COL6A6: variants seen among roughly 807,000 people sequenced by gnomAD.
COL6A6 encodes the protein collagen type VI alpha 6 chain.
In COL6A6, 183 loss-of-function variants were observed where a neutral mutation model predicts 208.6. The observed-to-expected ratio is 0.88, with a 90% CI of 0.78 to 0.99. COL6A6 has a LOEUF of 0.99. COL6A6 is among the 50% of genes least tolerant of loss of function. COL6A6 has a pLI of 0.00. For synonymous variants in COL6A6, 973 were observed against 1,011.8 expected (o/e 0.96, Z 0.73); for missense variants, 2,816 against 2,815.2 (o/e 1.00, Z -0.01).
At chr3:130,554,504 A>C (rs2062722274) in intron 1 of COL6A6, among the ~76,000 whole-genome samples, 2 of 152,296 alleles carry the variant, frequency 1.3e-5, no homozygotes, top group Middle Eastern at 3.4e-3. Context: ...CTCTGTGTGC[A>C]TATTCACATT....
intron 1 of COL6A6, among the ~76,000 whole-genome samples, chr3:130,528,879 C>T (rs910230053): frequency 3.9e-5 from 6 of 152,160 alleles, no homozygotes; most frequent in Non-Finnish European, 5.9e-5. Context: ...ATCACAAGGT[C>T]GGAAGATCGA....
intron 1 of COL6A6, among the ~76,000 whole-genome samples, chr3:130,530,981 A>G (rs1308566774): frequency 6.6e-6 from 1 of 150,828 alleles, no homozygotes; most frequent in African/African-American, 2.4e-5. Flanking sequence ...AATTTCTTGA[A>G]GTCTCTCTTT....
intron 25 of COL6A6, among the ~76,000 whole-genome samples, chr3:130,627,118 A>G (rs1024452151): frequency 1.3e-5 from 2 of 152,172 alleles, no homozygotes; most frequent in African/African-American, 4.8e-5. Context: ...ATACCTAGGG[A>G]CAGTGCATTG....
intron 32 of COL6A6, among the ~76,000 whole-genome samples, chr3:130,647,212 C>T (rs1258116437): frequency 6.6e-6 from 1 of 152,146 alleles, no homozygotes; most frequent in Non-Finnish European, 1.5e-5. Flanking sequence ...CTTCAGAATC[C>T]TTGGGATTCC....
At chr3:130,542,896 CTCTTTT>C (rs869066644) in intron 1 of COL6A6, among the ~76,000 whole-genome samples, 3 of 119,712 alleles carry the variant, frequency 2.5e-5, no homozygotes, top group Admixed American at 2.2e-4. Flanking sequence ...CATCCATTCA[CTCTTTT>C]TTTTTTTTTT....
chr3:130,623,149 C>T (rs187916873), intron 24 of COL6A6, among the ~76,000 whole-genome samples: 41 of 152,184 alleles, frequency 2.7e-4, no homozygotes, highest in Admixed American at 2.2e-3. Flanking sequence ...AAATAGGCAA[C>T]TCAGTGTAGA....
rs59335509 is a variant in COL6A6 at position 130,519,560 on chromosome 3, A to C, written c.-32+2163A>C. ...TTATTTTTTTTCCTTTCCTGACCTT[A>C]TTGTCGTTATTTAAAGTATAAGGTA... On this transcript the variant is annotated intron_variant, in intron 1 of 36. Coordinates refer to ENST00000358511, the MANE Select transcript of COL6A6 (RefSeq NM_001102608.3). Among the ~76,000 whole-genome samples the C allele has an allele frequency of 9.0e-3, 1,369 of 152,000 alleles. 23 individuals are homozygous for C. Among genetic ancestry groups the C allele is most frequent in the African/African-American group, 0.031 (1,295 of 41,458 alleles).
At chr3:130,633,894 G>T (rs1430010061) in intron 26 of COL6A6, among the ~76,000 whole-genome samples, 1 of 35,444 alleles carries the variant, frequency 2.8e-5, no homozygotes, top group Non-Finnish European at 3.9e-5. Flanking sequence ...ACACTCTGGG[G>T]ACTGTGGTGG....
At chr3:130,550,738 C>T (rs1380693327) in intron 1 of COL6A6, among the ~76,000 whole-genome samples, 1 of 152,202 alleles carries the variant, frequency 6.6e-6, no homozygotes, top group East Asian at 1.9e-4. Flanking sequence ...GTCCCTCCCA[C>T]AACATGTGGG....
At position 130,662,018 on chromosome 3, in the gene COL6A6, ATG is replaced by A. The variant is rs777108550; in HGVS notation, c.6214_6215del (p.Val2072IlefsTer54). The A allele has an allele frequency of 1.2e-6, 2 of 1,613,988 alleles. No homozygotes were observed. The highest frequency in any genetic ancestry group is 2.2e-5 in the South Asian group (2 of 91,082). On this transcript the variant is annotated frameshift_variant, in exon 35 of 37. Transcript: ENST00000358511. LOFTEE classifies it high-confidence loss of function. ...CATGCCTTACAGTGGACTCTGGACA[ATG>A]TATTTTTAAGTACACCCAATCTGAG...
At chr3:130,543,393 C>A (rs1316656123) in intron 1 of COL6A6, among the ~76,000 whole-genome samples, 1 of 152,144 alleles carries the variant, frequency 6.6e-6, no homozygotes, top group African/African-American at 2.4e-5. Context: ...TGTTTCTATT[C>A]GATGCCCTTT....
chr3:130,553,346 ATTC>A (rs1035567814), intron 1 of COL6A6, among the ~76,000 whole-genome samples: 9 of 152,022 alleles, frequency 5.9e-5, no homozygotes, highest in Non-Finnish European at 1.3e-4. Flanking sequence ...GGTTTTGTTA[ATTC>A]TTCTTCTTTG....
chr3:130,587,235 G>T (rs1305848158), intron 11 of COL6A6, among the ~76,000 whole-genome samples: 1 of 152,190 alleles, frequency 6.6e-6, no homozygotes, highest in Non-Finnish European at 1.5e-5. Flanking sequence ...AAGATTAGGG[G>T]TTGTGACTCC....
rs375419847 is a variant in COL6A6 at position 130,627,438 on chromosome 3, T to G, written c.4992+69T>G. The G allele has an allele frequency of 2.1e-6, 3 of 1,424,886 alleles. No homozygotes were observed. In the East Asian group the frequency reaches 6.8e-5, roughly 32 times the overall value. The allele number at this position is 1,424,886 out of a possible 1,614,324, so 88.3% of individuals were successfully genotyped here. ...TTGTTGCTGGTTTTGTTTGCCACAT[T>G]TAAGAGAAAAAGGGAAGCAGGGAAT... On this transcript the variant is annotated intron_variant, in intron 26 of 36. Coordinates refer to ENST00000358511, the MANE Select transcript of COL6A6 (RefSeq NM_001102608.3).
intron 36 of COL6A6, among the ~76,000 whole-genome samples, chr3:130,672,041 A>AT (rs1216257781): frequency 2.0e-5 from 3 of 152,260 alleles, no homozygotes; most frequent in African/African-American, 7.2e-5. Flanking sequence ...TGCTTTCCAA[A>AT]GTACGTTTTC....
At chr3:130,653,720 A>T (rs78531420) in intron 33 of COL6A6, among the ~76,000 whole-genome samples, 1 of 152,350 alleles carries the variant, frequency 6.6e-6, no homozygotes, top group Non-Finnish European at 1.5e-5. Flanking sequence ...TAATATGCTA[A>T]CTATACTTAT....
At chr3:130,635,886 A>G in intron 28 of COL6A6, 125 bp downstream of exon 28, 1 of 684,284 alleles carries the variant, frequency 1.5e-6, no homozygotes, top group East Asian at 2.7e-5. Context: ...GTTTTCTATT[A>G]AGGCAAACTT....
chr3:130,662,101 G>A lies in COL6A6; in HGVS notation c.6295G>A (p.Glu2099Lys). 3.1e-6 allele frequency: 5 copies of A among 1,614,004 alleles called. No homozygotes were observed. The highest frequency in any genetic ancestry group is 3.4e-6 in the Non-Finnish European group (4 of 1,179,868). ...TGGGGAAACCAGCCACTTAGATGGG[G>A]AAATCTTAAAGAAGGAATCCTTGCG... is the stretch of plus-strand genomic sequence containing the variant. ...SAGETSHLDG[E>K]ILKKESLRAK... Residue 2099 changes from glutamate to lysine, a missense_variant, in exon 35 of 37, where the codon GAA (glutamate) becomes AAA (lysine). Physicochemically the swap from Glu to Lys is moderately conservative, Grantham distance 56. Transcript: ENST00000358511.
chr3:130,551,063 C>CTAGTATT (rs1037396338), intron 1 of COL6A6, among the ~76,000 whole-genome samples: 1 of 151,700 alleles, frequency 6.6e-6, no homozygotes, highest in African/African-American at 2.4e-5. Context: ...ATTCAGTTTG[C>CTAGTATT]TAGTATTTTG....
Sources: gnomAD v4.1 joint callset for allele counts (sites outside exome capture counted in the v4.1 genomes callset) on GRCh38, gnomAD v4.1.1 for gene constraint, MANE v1.5 for transcripts, NCBI Gene and HGNC (gene_info 2026-07-23, HGNC 2026-07-21) for gene names.